The following DLG2 variants were observed in gnomAD, a reference collection of about 807,000 sequenced individuals.
DLG2 encodes the protein disks large homolog 2.
Under a neutral mutation model 132.5 loss-of-function variants are expected in DLG2, and 45 were observed. That is an observed-to-expected ratio of 0.34 (90% confidence interval 0.27 to 0.44). The LOEUF is 0.44. Ranked by LOEUF, DLG2 falls within the 20% of genes least tolerant of loss-of-function variation. The pLI, the probability that DLG2 is intolerant of heterozygous loss-of-function variation, is 1.00. For synonymous variants in DLG2, 424 were observed against 419.6 expected, an observed-to-expected ratio of 1.01 and a Z score of -0.13; for missense variants, 1,045 against 1,196.9, an observed-to-expected ratio of 0.87 and a Z score of 1.87.
chr11:85,418,321 T>G (rs866335894), intron 3 of DLG2, among the ~76,000 whole-genome samples: 64 of 152,330 alleles, frequency 4.2e-4, no homozygotes, highest in African/African-American at 1.3e-3. Context: ...TTTATTATGA[T>G]TTCCATTCTT....
intron 17 of DLG2, among the ~76,000 whole-genome samples, chr11:83,825,371 G>A (rs1038278620): frequency 7.9e-5 from 12 of 151,378 alleles, no homozygotes; most frequent in Non-Finnish European, 4.4e-5. Context: ...AGTAGAGATG[G>A]GGTTTCTCCA....
intron 6 of DLG2, among the ~76,000 whole-genome samples, chr11:84,681,000 T>A: frequency 6.6e-6 from 1 of 152,158 alleles, no homozygotes; most frequent in East Asian, 1.9e-4. Context: ...CAGGCATTAG[T>A]CAGGACACTG....
chr11:85,398,248 G>A (rs1207972624), intron 3 of DLG2, among the ~76,000 whole-genome samples: 11 of 152,060 alleles, frequency 7.2e-5, no homozygotes, highest in African/African-American at 1.9e-4. Context: ...AAGACACAAC[G>A]TACCAGAATC....
intron 6 of DLG2, among the ~76,000 whole-genome samples, chr11:84,781,269 A>AT (rs2071723644): frequency 6.6e-6 from 1 of 152,124 alleles, no homozygotes; most frequent in Non-Finnish European, 1.5e-5. Context: ...CTTCTGGAGA[A>AT]TATAATTTGA....
intron 6 of DLG2, among the ~76,000 whole-genome samples, chr11:84,797,564 G>A (rs1429878577): frequency 1.3e-5 from 2 of 152,092 alleles, no homozygotes; most frequent in African/African-American, 4.8e-5. Flanking sequence ...CAGAATTTCT[G>A]CTTGCTTCTT....
intron 7 of DLG2, among the ~76,000 whole-genome samples, chr11:84,506,457 G>A (rs2099241543): frequency 6.6e-6 from 1 of 152,048 alleles, no homozygotes; most frequent in Non-Finnish European, 1.5e-5. Flanking sequence ...ATGCTTCGGA[G>A]AGAAATTTAA....
intron 22 of DLG2, chr11:83,480,334 T>G: frequency 2.0e-6 from 3 of 1,518,838 alleles, no homozygotes; most frequent in Non-Finnish European, 2.7e-6. Flanking sequence ...ATGGGGCAAT[T>G]GCAAAGAAAA....
intron 6 of DLG2, among the ~76,000 whole-genome samples, chr11:84,938,002 A>G (rs1331469764): frequency 6.6e-6 from 1 of 152,194 alleles, no homozygotes; most frequent in Admixed American, 6.5e-5. Flanking sequence ...CTAGAATCCA[A>G]GTCAGCTCAG....
In DLG2 at chr11:83,833,718, T is replaced by C. The variant is rs772632114; in HGVS notation, c.1618A>G (p.Ile540Val). 1 of 1,613,956 alleles carries C rather than the reference T, an allele frequency of 6.2e-7. No homozygotes were observed. Among genetic ancestry groups the C allele is most frequent in the Non-Finnish European group, 8.5e-7 (1 of 1,179,946 alleles). Residue 540 changes from isoleucine to valine, a missense_variant, in exon 17 of 28, where the codon ATT (isoleucine) becomes GTT (valine). Ile to Val is a conservative substitution (Grantham distance 29). This residue lies in a region of DLG2 where 261 missense variants were observed against 256.1 expected (regional missense o/e 1.02). Transcript: ENST00000376104. ...CCTTCTCCATCTTCCCCACCGACAA[T>C]GTTGAAGCCCAGGCCAGTGGAGCCT... ...HKGSTGLGFN[I>V]VGGEDGEGIF...
chr11:83,557,699 T>C (rs189142539), intron 19 of DLG2, among the ~76,000 whole-genome samples: 14 of 152,304 alleles, frequency 9.2e-5, no homozygotes, highest in Non-Finnish European at 1.6e-4. Context: ...TTAAGTAAAA[T>C]GAATACTTGA....
intron 18 of DLG2, among the ~76,000 whole-genome samples, chr11:83,686,566 C>T (rs2079815466): frequency 1.3e-5 from 2 of 151,970 alleles, no homozygotes; most frequent in South Asian, 4.2e-4. Context: ...AATATGTACA[C>T]ATTAAATGAA....
chr11:83,515,610 G>T (rs927779121), intron 21 of DLG2, among the ~76,000 whole-genome samples: 2 of 152,114 alleles, frequency 1.3e-5, no homozygotes, highest in Non-Finnish European at 2.9e-5. Context: ...TTTTAATTGT[G>T]ATGTTAGGGT....
In DLG2 at chr11:83,781,060, C is replaced by G. The variant is rs887728828; in HGVS notation, c.1825+5630G>C. Reference sequence around the variant, plus strand: ...GATCTTACAATTCTAAGAAGGCTCTCATTTAATATCTATGCTTTTGGTCTG... The same window carrying G: ...GATCTTACAATTCTAAGAAGGCTCTGATTTAATATCTATGCTTTTGGTCTG... On this transcript the variant is annotated intron_variant, in intron 18 of 27. Coordinates refer to ENST00000376104, the MANE Select transcript of DLG2 (RefSeq NM_001142699.3). 3.9e-5 allele frequency among the ~76,000 whole-genome samples: 6 copies of G among 152,206 alleles called. No individual in the cohort carries two copies. In the East Asian group the frequency reaches 1.2e-3, roughly 29 times the overall value.
intron 18 of DLG2, among the ~76,000 whole-genome samples, chr11:83,695,945 A>G (rs184360728): frequency 6.6e-6 from 1 of 152,188 alleles, no homozygotes; most frequent in East Asian, 1.9e-4. Flanking sequence ...CAGACTGAGG[A>G]GAGAAATGAG....
intron 7 of DLG2, among the ~76,000 whole-genome samples, chr11:84,342,299 T>G (rs1301323682): frequency 6.6e-6 from 1 of 152,210 alleles, no homozygotes; most frequent in South Asian, 2.1e-4. Flanking sequence ...CAGAAAGGAA[T>G]GCCCACCTAC....
chr11:85,552,839 T>C (rs2076741403), intron 3 of DLG2, among the ~76,000 whole-genome samples: 1 of 151,010 alleles, frequency 6.6e-6, no homozygotes. Flanking sequence ...CAAGAGAGAA[T>C]AGGAAAGAGA....
At chr11:85,372,288 C>A (rs953537094) in intron 3 of DLG2, among the ~76,000 whole-genome samples, 1 of 152,206 alleles carries the variant, frequency 6.6e-6, no homozygotes, top group Non-Finnish European at 1.5e-5. Context: ...GGCTGGGCAC[C>A]AGGCAGCCAA....
chr11:85,169,397 C>A (rs1007710244), intron 4 of DLG2, among the ~76,000 whole-genome samples: 26 of 151,914 alleles, frequency 1.7e-4, no homozygotes, highest in Non-Finnish European at 3.7e-4. Flanking sequence ...AAAAACGGTA[C>A]GTAAATGTAT....
At chr11:85,249,433 TTAAA>T (rs1464658522) in intron 4 of DLG2, among the ~76,000 whole-genome samples, 2 of 151,656 alleles carry the variant, frequency 1.3e-5, no homozygotes, top group African/African-American at 2.4e-5. Flanking sequence ...CATATATATA[TTAAA>T]TACATATATA....
Sources: gnomAD v4.1 joint callset for allele counts (sites outside exome capture counted in the v4.1 genomes callset) on GRCh38, gnomAD v4.1.1 for gene constraint, gnomAD v4.1.1 regional missense constraint, MANE v1.5 for transcripts, NCBI Gene and HGNC (gene_info 2026-07-23, HGNC 2026-07-21) for gene names.